The following ZNF536 variants were observed in gnomAD, a reference collection of about 807,000 sequenced individuals.
ZNF536 encodes zinc finger protein 536.
Under a neutral mutation model 84.5 loss-of-function variants are expected in ZNF536, and 13 were observed. That is an observed-to-expected ratio of 0.15 (90% CI 0.10 to 0.24). The LOEUF (loss-of-function observed/expected upper bound fraction) is 0.24. Among genes scored for constraint, ZNF536 ranks in the 10% least tolerant of loss-of-function variants. ZNF536 has a pLI of 1.00. For missense variants in ZNF536, 1,536 were observed against 1,747.5 expected, an observed-to-expected ratio of 0.88 and a Z score of 2.16; for synonymous variants, 811 against 742.5, an observed-to-expected ratio of 1.09 and a Z score of -1.50.
chr19:30,665,037 G>C (rs1048911262), intron 1 of ZNF536, among the ~76,000 whole-genome samples: 1 of 152,230 alleles, frequency 6.6e-6, no homozygotes, highest in African/African-American at 2.4e-5. Flanking sequence ...AAAATTAAAA[G>C]AAAGTTTAAA....
intron 2 of ZNF536, among the ~76,000 whole-genome samples, chr19:30,475,123 C>T (rs969035701): frequency 6.6e-6 from 1 of 152,162 alleles, no homozygotes; most frequent in Non-Finnish European, 1.5e-5. Flanking sequence ...CTCTGTCACC[C>T]AGGCTGGAGT....
At chr19:30,308,940 T>C (rs1011288970) in intron 2 of ZNF536, among the ~76,000 whole-genome samples, 5 of 152,144 alleles carry the variant, frequency 3.3e-5, no homozygotes, top group Non-Finnish European at 5.9e-5. Flanking sequence ...GTGTGATTCG[T>C]GGCGTCCCCC....
At chr19:30,248,318 C>A (rs944497178) in intron 1 of ZNF536, among the ~76,000 whole-genome samples, 19 of 96,786 alleles carry the variant, frequency 2.0e-4, no homozygotes, top group African/African-American at 8.1e-4. Context: ...GCCTCCTGGG[C>A]TCCTGGGTCC....
At chr19:30,298,000 C>A (rs1210331943) in intron 2 of ZNF536, among the ~76,000 whole-genome samples, 1 of 151,934 alleles carries the variant, frequency 6.6e-6, no homozygotes, top group Admixed American at 6.6e-5. Context: ...CCTGCCTCAG[C>A]CTCCCGAGTA....
intron 1 of ZNF536, among the ~76,000 whole-genome samples, chr19:30,246,194 C>A (rs1021879565): frequency 6.6e-6 from 1 of 152,136 alleles, no homozygotes; most frequent in Non-Finnish European, 1.5e-5. Flanking sequence ...CTATGTCACA[C>A]CCTGTTGCCC....
At position 30,417,148 on chromosome 19, in the gene ZNF536, A is replaced by ATTTTTTTTTTT. The variant is rs71173904; in HGVS notation, c.-2-26395_-2-26385dup. 1.5e-4 allele frequency among the ~76,000 whole-genome samples: 15 copies of ATTTTTTTTTTT among 100,232 alleles called. 1 individual carries two copies. Among genetic ancestry groups the ATTTTTTTTTTT allele is most frequent in the East Asian group, 5.7e-4 (2 of 3,506 alleles). 65.8% of individuals were successfully genotyped at this position (100,232 alleles called of 152,430 possible). A position where few individuals can be genotyped will look rare whatever the true frequency, so the allele number is the denominator to read the frequency against. ...GCCACCACGCCAGGCTAATTTTTGT[A>ATTTTTTTTTTT]TTTTTTTTTTTTTTTTTTTTTTTTT... is the stretch of plus-strand genomic sequence containing the variant. On this transcript the variant is annotated intron_variant, in intron 1 of 4. Transcript: ENST00000355537.
intron 1 of ZNF536, among the ~76,000 whole-genome samples, chr19:30,274,311 T>C (rs551699942): frequency 6.6e-6 from 1 of 152,354 alleles, no homozygotes; most frequent in African/African-American, 2.4e-5. Context: ...CACTGCACAA[T>C]AGAAATATAG....
chr19:30,556,140 A>G (rs1322286620), intron 4 of ZNF536: 26 of 152,238 alleles, frequency 1.7e-4, no homozygotes, highest in Admixed American at 1.7e-3. Flanking sequence ...CAGATTAGCT[A>G]TTGACCTCTA....
At chr19:30,231,220 C>T (rs922889327) in intron 1 of ZNF536, among the ~76,000 whole-genome samples, 2 of 152,208 alleles carry the variant, frequency 1.3e-5, no homozygotes, top group Non-Finnish European at 2.9e-5. Flanking sequence ...AGGAGAGAAG[C>T]CTCTTCCATG....
chr19:30,713,574 T>C (rs1447342400), downstream of ZNF536: 3 of 152,228 alleles, frequency 2.0e-5, no homozygotes, highest in Non-Finnish European at 4.4e-5. Flanking sequence ...TAGAATAAAA[T>C]GTCTTTGAAG....
At chr19:30,354,935 T>C (rs1044427525) in intron 3 of ZNF536, among the ~76,000 whole-genome samples, 4 of 152,130 alleles carry the variant, frequency 2.6e-5, no homozygotes, top group East Asian at 1.9e-4. Context: ...CCCAGAGCCT[T>C]TTCTGGACTT....
intron 1 of ZNF536, among the ~76,000 whole-genome samples, chr19:30,410,747 G>A (rs904425150): frequency 6.6e-6 from 1 of 151,898 alleles, no homozygotes; most frequent in Admixed American, 6.6e-5. Flanking sequence ...CAAAGTGCTG[G>A]GATTACAGGC....
intron 2 of ZNF536, among the ~76,000 whole-genome samples, chr19:30,309,171 A>G (rs1444719118): frequency 6.6e-6 from 1 of 152,244 alleles, no homozygotes; most frequent in East Asian, 1.9e-4. Context: ...CGCCAAGCGA[A>G]TGAAATGACT....
chr19:30,540,184 C>A (rs756884506), intron 3 of ZNF536, among the ~76,000 whole-genome samples: 1 of 152,080 alleles, frequency 6.6e-6, no homozygotes, highest in Non-Finnish European at 1.5e-5. Flanking sequence ...GTACGCCCGG[C>A]ACCCCCCAAC....
rs542368512 is a variant in ZNF536, at chr19:30,644,047, G to A, written c.170-66710G>A. 3.3e-5 allele frequency among the ~76,000 whole-genome samples: 5 copies of A among 152,280 alleles called. No homozygotes were observed. In the South Asian group the frequency reaches 1.0e-3, roughly 32 times the overall value. ...CATCTATCCCAAGGTGAAAGCTTCA[G>A]AGACAAGTGTTTAAAATGGCAGTGG... On this transcript the variant is annotated intron_variant, in intron 1 of 1. Coordinates refer to the ZNF536 transcript ENST00000592773.
chr19:30,442,659 C>T (rs116398938), intron 1 of ZNF536, among the ~76,000 whole-genome samples: 86 of 152,246 alleles, frequency 5.6e-4, no homozygotes, highest in African/African-American at 1.8e-3. Flanking sequence ...GCTAAGATTC[C>T]GTCAGGAGAT....
chr19:30,702,291 T>C (rs1163558442), intron 1 of ZNF536, among the ~76,000 whole-genome samples: 1 of 152,248 alleles, frequency 6.6e-6, no homozygotes, highest in Non-Finnish European at 1.5e-5. Flanking sequence ...TACATATTTA[T>C]ATATTATTCA....
chr19:30,397,186 T>G (rs980537085), intron 1 of ZNF536, among the ~76,000 whole-genome samples: 1 of 152,222 alleles, frequency 6.6e-6, no homozygotes, highest in Admixed American at 6.5e-5. Context: ...GTTCTTAATC[T>G]CATGATTCGT....
chr19:30,632,426 C>T (rs1056065588), intron 1 of ZNF536, among the ~76,000 whole-genome samples: 5 of 152,152 alleles, frequency 3.3e-5, no homozygotes, highest in Admixed American at 1.3e-4. Context: ...TCCAACATGG[C>T]GAAACCCCAT....
Sources: allele counts gnomAD v4.1 joint callset (sites outside exome capture counted in the v4.1 genomes callset), GRCh38; gene constraint gnomAD v4.1.1; transcripts MANE v1.5; gene names NCBI Gene and HGNC (gene_info 2026-07-23, HGNC 2026-07-21).